The following WSCD1 variants were observed in gnomAD, a reference collection of about 807,000 sequenced individuals.
WSCD1 encodes the protein sialate:O-sulfotransferase 1.
In WSCD1, 41 loss-of-function variants were observed where a neutral mutation model predicts 60.4. The ratio of observed to expected loss-of-function variants is 0.68; its 90% CI spans 0.53 to 0.88. The LOEUF is 0.88. WSCD1 is among the 40% of genes least tolerant of loss of function. The probability of loss-of-function intolerance (pLI) is 0.00; values close to 1 mark genes in which losing one functional copy is unlikely to be tolerated. For missense variants in WSCD1, 784 were observed against 796.2 expected, an observed-to-expected ratio of 0.98 and a Z score of 0.18; for synonymous variants, 361 against 332.5, an observed-to-expected ratio of 1.09 and a Z score of -0.93.
chr17:6,073,744 G>A (rs373365921), intron 1 of WSCD1, among the ~76,000 whole-genome samples: 34 of 152,378 alleles, frequency 2.2e-4, no homozygotes, highest in East Asian at 1.2e-3. Flanking sequence ...GAAAAATGCC[G>A]GCCCCGGCGC....
chr17:6,090,606 T>C, intron 4 of WSCD1, 101 bp downstream of exon 4: 1 of 1,462,802 alleles, frequency 6.8e-7, no homozygotes, highest in Non-Finnish European at 9.1e-7. Context: ...GGGCAGAACC[T>C]GTGCCAACCT....
chr17:6,090,213 A>C lies in WSCD1; in HGVS notation c.543-108A>C, dbSNP rs933295054. ...AAAGTATAATTAAAACAAAAAACAA[A>C]AAAAAAACATACTTTCTAATCTACA... On this transcript the variant is annotated intron_variant, in intron 3 of 8. Coordinates refer to ENST00000317744, the MANE Select transcript of WSCD1 (RefSeq NM_015253.2). 6.4e-6 allele frequency: 7 copies of C among 1,086,722 alleles called. No individual in the cohort carries two copies. In the African/African-American group the frequency reaches 9.5e-5, roughly 15 times the overall value. The allele number at this position is 1,086,722 out of a possible 1,614,324, so 67.3% of individuals were successfully genotyped here.
Position 6,120,775 on chromosome 17 carries a change from G to C in WSCD1, c.*114G>C. 1.8e-6 allele frequency: 2 copies of C among 1,107,216 alleles called. No homozygotes were observed. Among genetic ancestry groups the C allele is most frequent in the Non-Finnish European group, 2.5e-6 (2 of 789,612 alleles). 68.6% of individuals were successfully genotyped at this position (1,107,216 alleles called of 1,614,324 possible). On this transcript the variant is annotated 3_prime_UTR_variant, in exon 9 of 9. Transcript: ENST00000317744. Reference sequence around the variant, plus strand: ...TCACTGGGACGAACGGTGGGTGGGGGGCTCACCCTGGTGCTGCCTCCCGCA... The same window carrying C: ...TCACTGGGACGAACGGTGGGTGGGGCGCTCACCCTGGTGCTGCCTCCCGCA...
chr17:6,080,846 G>T lies in WSCD1; in HGVS notation c.188G>T (p.Gly63Val). The change falls in exon 2 of 9, where the codon GGC (glycine) becomes GTC (valine). Residue 63 changes from glycine (G) to valine (V), a missense_variant. Physicochemically the swap from Gly to Val is moderately radical, Grantham distance 109. Coordinates refer to ENST00000317744, the MANE Select transcript of WSCD1 (RefSeq NM_015253.2). This position sits in a 1 kb window ranked among gnomAD's most constrained non-coding sequence, Gnocchi z 6.6. ...QTLPVAAVAL[G>V]VGLLDSRALH... is the part of the protein sequence containing the mutation. ...TTGCCAGTGGCCGCCGTGGCGCTGG[G>T]CGTGGGCTTGCTGGACAGCAGAGCC... is the stretch of plus-strand genomic sequence containing the variant. 1 of 1,606,684 alleles carries T rather than the reference G, an allele frequency of 6.2e-7. No individual in the cohort carries two copies. The highest frequency in any genetic ancestry group is 8.5e-7 in the Non-Finnish European group (1 of 1,178,366).
In WSCD1 at chr17:6,092,196, G is replaced by A. The variant is rs1910103075; in HGVS notation, c.727+1691G>A. ...AAAAGGTATTGGATCAAAAGCTAAG[G>A]CTTCACAGGGGTTCTGGGGAGGGCT... On this transcript the variant is annotated intron_variant, in intron 4 of 8. Coordinates refer to ENST00000317744, the MANE Select transcript of WSCD1 (RefSeq NM_015253.2). 2.0e-5 allele frequency among the ~76,000 whole-genome samples: 3 copies of A among 151,390 alleles called. No homozygotes were observed. In the South Asian group the frequency reaches 6.3e-4, roughly 32 times the overall value.
At chr17:6,086,327 A>G (rs911459466) in intron 2 of WSCD1, among the ~76,000 whole-genome samples, 3 of 146,830 alleles carry the variant, frequency 2.0e-5, no homozygotes, top group Admixed American at 6.9e-5. Flanking sequence ...AAATAGTACT[A>G]TAATTGTTCA....
At chr17:6,092,016 T>C (rs1403991040) in intron 4 of WSCD1, among the ~76,000 whole-genome samples, 1 of 151,964 alleles carries the variant, frequency 6.6e-6, no homozygotes, top group African/African-American at 2.4e-5. Context: ...TTGCCGGATG[T>C]GGTGGCAGGT....
At chr17:6,092,752 T>A (rs898158596) in intron 4 of WSCD1, among the ~76,000 whole-genome samples, 1 of 152,182 alleles carries the variant, frequency 6.6e-6, no homozygotes, top group Non-Finnish European at 1.5e-5. Context: ...TAATTGATTC[T>A]GAAAGGCAGT....
Position 6,080,610 on chromosome 17 carries a change from G to A in WSCD1, c.-49G>A, listed in dbSNP as rs201249439. ...GCCCTGGCCTCACTCCCACCTGGGC[G>A]CTAGGAGCCATCCCGGGGCTCCAGC... On this transcript the variant is annotated 5_prime_UTR_variant, in exon 2 of 9. Coordinates refer to ENST00000317744, the MANE Select transcript of WSCD1 (RefSeq NM_015253.2). This position sits in a 1 kb window ranked among gnomAD's most constrained non-coding sequence, Gnocchi z 6.6. The A allele has an allele frequency of 3.5e-5, 56 of 1,598,850 alleles. No homozygotes were observed. The highest frequency in any genetic ancestry group is 2.9e-4 in the Admixed American group (16 of 55,582).
chr17:6,091,424 C>T (rs1170046786), intron 4 of WSCD1, among the ~76,000 whole-genome samples: 2 of 152,074 alleles, frequency 1.3e-5, no homozygotes, highest in South Asian at 2.1e-4. Flanking sequence ...GGAGGGAAGT[C>T]GCCAGGCTGC....
intron 7 of WSCD1, among the ~76,000 whole-genome samples, chr17:6,116,098 A>G (rs1405171707): frequency 3.9e-5 from 6 of 152,158 alleles, no homozygotes; most frequent in Admixed American, 3.9e-4. Flanking sequence ...AGGCATCTTC[A>G]GGTGAGGGAG....
At chr17:6,098,532 T>C (rs1354628219) in intron 5 of WSCD1, among the ~76,000 whole-genome samples, 1 of 152,108 alleles carries the variant, frequency 6.6e-6, no homozygotes, top group African/African-American at 2.4e-5. Flanking sequence ...CGTGAATTGT[T>C]TGGGTCAGAA....
At chr17:6,085,194 C>T (rs2150536359) in intron 2 of WSCD1, among the ~76,000 whole-genome samples, 1 of 152,244 alleles carries the variant, frequency 6.6e-6, no homozygotes, top group South Asian at 2.1e-4. Context: ...CTGTTATGTG[C>T]CAAGCATTGT....
At position 6,110,910 on chromosome 17, in the gene WSCD1, CTTTG is replaced by C; in HGVS notation, c.1150_1153del (p.Phe384MetfsTer43). On this transcript the variant is annotated frameshift_variant, in exon 7 of 9. Transcript: ENST00000317744. LOFTEE classifies it high-confidence loss of function. The surrounding 1 kb of genome is among the most constrained non-coding windows in gnomAD (Gnocchi z 4.8). ...CTGGCTTCTATACAGGGAGCTACTA[CTTTG>C]ATGGAACCCTCTACAACAAAGGTAA... is the stretch of plus-strand genomic sequence containing the variant. 6.2e-7 allele frequency: 1 copy of C among 1,609,006 alleles called. No homozygotes were observed. The highest frequency in any genetic ancestry group is 8.5e-7 in the Non-Finnish European group (1 of 1,175,898).
intron 2 of WSCD1, among the ~76,000 whole-genome samples, chr17:6,082,725 C>T (rs1215473723): frequency 1.3e-5 from 2 of 152,110 alleles, no homozygotes; most frequent in Admixed American, 1.3e-4. Context: ...ATAAGTGTGG[C>T]CAGAGCACAG....
chr17:6,113,745 A>G (rs1003303809), intron 7 of WSCD1, among the ~76,000 whole-genome samples: 3 of 152,256 alleles, frequency 2.0e-5, no homozygotes, highest in Non-Finnish European at 4.4e-5. Context: ...AAACATGCTC[A>G]GTATCACTAA....
intron 7 of WSCD1, among the ~76,000 whole-genome samples, chr17:6,112,510 A>C (rs1047854563): frequency 1.3e-5 from 2 of 152,258 alleles, no homozygotes; most frequent in African/African-American, 4.8e-5. Context: ...GAGGAAGTCC[A>C]CTTGTCCCTG....
chr17:6,111,031 C>T (rs1911378865), intron 7 of WSCD1, 96 bp downstream of exon 7: 11 of 1,453,178 alleles, frequency 7.6e-6, no homozygotes, highest in Non-Finnish European at 1.0e-5. Context: ...AGCAGTGCAT[C>T]TCAAACTTGA....
At chr17:6,078,586 G>A (rs1008970008) in intron 1 of WSCD1, among the ~76,000 whole-genome samples, 2 of 152,136 alleles carry the variant, frequency 1.3e-5, no homozygotes, top group African/African-American at 2.4e-5. Flanking sequence ...GTGTGCGTGT[G>A]TGTGCGTGCA....
Sources: gnomAD v4.1 joint callset for allele counts (sites outside exome capture counted in the v4.1 genomes callset) on GRCh38, gnomAD v4.1.1 for gene constraint, Gnocchi (gnomAD v3.1) non-coding constraint, MANE v1.5 for transcripts, NCBI Gene and HGNC (gene_info 2026-07-23, HGNC 2026-07-21) for gene names.